TLL1: variants seen among roughly 807,000 people sequenced by gnomAD.
The protein encoded by TLL1 is tolloid like 1, also known as tolloid-like protein 1.
A neutral mutation model predicts 128.2 loss-of-function variants in TLL1; 49 were observed. The observed-to-expected ratio is 0.38, with a 90% CI of 0.30 to 0.48. The LOEUF (loss-of-function observed/expected upper bound fraction) is 0.48. TLL1 is among the 20% of genes least tolerant of loss of function. The pLI, the probability that TLL1 is intolerant of heterozygous loss-of-function variation, is 0.96. For missense variants in TLL1, 1,123 were observed against 1,242.0 expected, an observed-to-expected ratio of 0.90 and a Z score of 1.44; for synonymous variants, 454 against 418.8, an observed-to-expected ratio of 1.08 and a Z score of -1.03.
intron 1 of TLL1, among the ~76,000 whole-genome samples, chr4:165,936,735 C>G (rs1215699420): frequency 3.3e-5 from 5 of 151,922 alleles, no homozygotes; most frequent in Admixed American, 6.6e-5. Flanking sequence ...CAAGACCAGC[C>G]TGGCCAACAT....
intron 15 of TLL1, 152 bp downstream of exon 15, chr4:166,060,340 T>A: frequency 1.2e-6 from 1 of 864,980 alleles, no homozygotes; most frequent in Non-Finnish European, 1.8e-6. Flanking sequence ...TGCTTATGAA[T>A]CTCGTTGGCA....
chr4:166,084,235 G>A (rs573793110), intron 18 of TLL1, among the ~76,000 whole-genome samples: 3 of 151,982 alleles, frequency 2.0e-5, no homozygotes, highest in South Asian at 2.1e-4. Flanking sequence ...AAGTTTATTC[G>A]TTTCCTTGTT....
At chr4:166,077,786 A>C in intron 17 of TLL1, 117 bp from the exon 18 acceptor site, 1 of 1,407,990 alleles carries the variant, frequency 7.1e-7, no homozygotes. Flanking sequence ...GGGAGTGAAA[A>C]TTAGCTGGTA....
intron 9 of TLL1, among the ~76,000 whole-genome samples, chr4:166,026,523 C>T (rs1443189305): frequency 6.6e-6 from 1 of 152,100 alleles, no homozygotes; most frequent in African/African-American, 2.4e-5. Flanking sequence ...CCCATCTCTA[C>T]AAAAAATACA....
chr4:165,989,468 T>A lies in TLL1; in HGVS notation c.257T>A (p.Phe86Tyr). ...DRTIDLTQNP[F>Y]GNLGHTTGGL... ...ACAATTGACCTTACGCAGAACCCCT[T>A]TGGAAACCTTGGACATACCACAGGT... The change falls in exon 2 of 21, where the codon TTT becomes TAT. Residue 86 changes from phenylalanine to tyrosine, a missense_variant. Physicochemically the swap from Phe to Tyr is conservative, Grantham distance 22. Around this residue, in one of 3 missense-constraint regions of TLL1, gnomAD observed 480 missense variants for 542.4 expected, o/e 0.89. Transcript: ENST00000061240. 6.2e-7 allele frequency: 1 copy of A among 1,612,516 alleles called. No homozygotes were observed. Among genetic ancestry groups the A allele is most frequent in the East Asian group, 2.2e-5 (1 of 44,770 alleles).
At chr4:165,955,901 G>C (rs886182890) in intron 1 of TLL1, among the ~76,000 whole-genome samples, 1 of 152,076 alleles carries the variant, frequency 6.6e-6, no homozygotes, top group Non-Finnish European at 1.5e-5. Flanking sequence ...GAGAAATAAA[G>C]AGAAAGGGTA....
At position 165,934,832 on chromosome 4, in the gene TLL1, T is replaced by A. The variant is rs143429088; in HGVS notation, c.170-54549T>A. Among the ~76,000 whole-genome samples, 5 of 152,338 alleles carry A rather than the reference T, an allele frequency of 3.3e-5. No individual in the cohort carries two copies. In the East Asian group the frequency reaches 9.6e-4, roughly 29 times the overall value. ...TTCCATAATAAAAAGATAACTGTAC[T>A]ATTTCTTACTGATTAAAAACACCTG... On this transcript the variant is annotated intron_variant, in intron 1 of 20. Coordinates refer to ENST00000061240, the MANE Select transcript of TLL1 (RefSeq NM_012464.5).
At chr4:165,906,275 C>A (rs1377541873) in intron 1 of TLL1, among the ~76,000 whole-genome samples, 4 of 152,156 alleles carry the variant, frequency 2.6e-5, no homozygotes, top group Non-Finnish European at 5.9e-5. Flanking sequence ...TAATAACAAA[C>A]ACATAGTATG....
intron 10 of TLL1, 88 bp downstream of exon 10, chr4:166,039,529 A>T: frequency 3.2e-6 from 3 of 923,984 alleles, no homozygotes; most frequent in Non-Finnish European, 5.3e-6. Flanking sequence ...GTCATCGTAG[A>T]GTTAAAAATG....
At chr4:165,888,883 A>G (rs533614311) in intron 1 of TLL1, among the ~76,000 whole-genome samples, 12 of 152,262 alleles carry the variant, frequency 7.9e-5, no homozygotes, top group Non-Finnish European at 1.6e-4. Context: ...GCCTTGCCCT[A>G]TGTCTTCTAT....
intron 1 of TLL1, among the ~76,000 whole-genome samples, chr4:165,934,194 T>A (rs1439428655): frequency 2.7e-5 from 4 of 147,788 alleles, no homozygotes; most frequent in Admixed American, 6.7e-5. Flanking sequence ...TTTTTTTTTT[T>A]AGTAGGGACG....
At chr4:166,052,348 T>A (rs557727640) in intron 12 of TLL1, among the ~76,000 whole-genome samples, 1 of 152,286 alleles carries the variant, frequency 6.6e-6, no homozygotes, top group East Asian at 1.9e-4. Context: ...CAGGCTGGAG[T>A]GCAGTGGCAC....
chr4:166,014,585 G>A, intron 8 of TLL1, 25 bp downstream of exon 8: 1 of 1,609,866 alleles, frequency 6.2e-7, no homozygotes, highest in South Asian at 1.1e-5. Flanking sequence ...AAACACAAGA[G>A]CATGACTGTA....
At chr4:166,032,290 G>A (rs935674734) in intron 9 of TLL1, among the ~76,000 whole-genome samples, 9 of 152,070 alleles carry the variant, frequency 5.9e-5, no homozygotes, top group African/African-American at 1.7e-4. Context: ...TCAAATTAAC[G>A]TATAGTAATT....
chr4:166,076,397 GAC>G (rs1248695956), intron 17 of TLL1, among the ~76,000 whole-genome samples: 1 of 152,036 alleles, frequency 6.6e-6, no homozygotes, highest in Admixed American at 6.6e-5. Context: ...TTGTTTTGCA[GAC>G]ATTGAAGGTC....
intron 1 of TLL1, among the ~76,000 whole-genome samples, chr4:165,964,732 G>A (rs1247618210): frequency 1.3e-5 from 2 of 152,090 alleles, no homozygotes; most frequent in Non-Finnish European, 2.9e-5. Flanking sequence ...GAGGACAGGA[G>A]CCTGGGAAGC....
intron 1 of TLL1, among the ~76,000 whole-genome samples, chr4:165,960,363 TTTACAGCCAAA>T (rs774807913): frequency 6.6e-6 from 1 of 152,034 alleles, no homozygotes; most frequent in Non-Finnish European, 1.5e-5. Flanking sequence ...AATAGATGTA[TTTACAGCCAAA>T]TTCTACCAGA....
chr4:166,034,035 T>C (rs1043659195), intron 9 of TLL1, among the ~76,000 whole-genome samples: 1 of 152,236 alleles, frequency 6.6e-6, no homozygotes, highest in Non-Finnish European at 1.5e-5. Context: ...GTATTTATAT[T>C]GCCAAAGACA....
intron 1 of TLL1, among the ~76,000 whole-genome samples, chr4:165,980,229 G>A (rs1269540082): frequency 2.6e-5 from 4 of 152,042 alleles, no homozygotes; most frequent in Non-Finnish European, 5.9e-5. Context: ...ACTGTGAGCT[G>A]GCACTTTATT....
Sources: gnomAD v4.1 joint callset for allele counts (sites outside exome capture counted in the v4.1 genomes callset) on GRCh38, gnomAD v4.1.1 for gene constraint, gnomAD v4.1.1 regional missense constraint, MANE v1.5 for transcripts, NCBI Gene and HGNC (gene_info 2026-07-23, HGNC 2026-07-21) for gene names.